Variants in NT5DC1 observed in about 807,000 individuals in gnomAD.
NT5DC1 encodes the protein 5'-nucleotidase domain-containing protein 1.
A neutral mutation model predicts 59.4 loss-of-function variants in NT5DC1; 42 were observed. That is an observed-to-expected ratio of 0.71 (90% CI 0.55 to 0.92). The LOEUF (loss-of-function observed/expected upper bound fraction) is 0.92, where lower values mean the gene tolerates loss of function less well. Among genes scored for constraint, NT5DC1 ranks in the 40% least tolerant of loss-of-function variants. NT5DC1 has a pLI of 0.00. For missense variants in NT5DC1, 501 were observed against 537.1 expected, an observed-to-expected ratio of 0.93 and a Z score of 0.66; for synonymous variants, 172 against 188.1, an observed-to-expected ratio of 0.91 and a Z score of 0.70.
chr6:116,115,433 A>T lies in NT5DC1; in HGVS notation c.365-258A>T, dbSNP rs111630689. The stretch of plus-strand genomic sequence containing the variant: ...TGCATATACTCTTTTTAGTTTTTAC[A>T]TTCTTTAAGATGACTAAAATATCTT... On this transcript the variant is annotated intron_variant, in intron 4 of 11. Coordinates refer to ENST00000319550, the MANE Select transcript of NT5DC1 (RefSeq NM_152729.3). 2.8e-3 allele frequency among the ~76,000 whole-genome samples: 425 copies of T among 152,274 alleles called. 1 individual carries two copies. The highest frequency in any genetic ancestry group is 9.4e-3 in the African/African-American group (389 of 41,544).
In NT5DC1 at chr6:116,246,240, C is replaced by T. The variant is rs1260182845; in HGVS notation, c.*2216C>T. ...ACACCTAAAAATAGATGTAAGCGAG[C>T]GGAGGTTTTCTTTGCTGGCCACTGT... On this transcript the variant is annotated 3_prime_UTR_variant, in exon 12 of 12. Coordinates refer to ENST00000319550, the MANE Select transcript of NT5DC1 (RefSeq NM_152729.3). The T allele has an allele frequency of 6.6e-6, 1 of 151,968 alleles. No homozygotes were observed. The highest frequency in any genetic ancestry group is 1.5e-5 in the Non-Finnish European group (1 of 67,952). The allele number at this position is 151,968 out of a possible 1,614,324, so 9.4% of individuals were successfully genotyped here.
In NT5DC1 at chr6:116,247,484, A is replaced by G. The variant is rs1269457097; in HGVS notation, c.*3460A>G. 6.6e-6 allele frequency: 1 copy of G among 152,128 alleles called. No individual in the cohort carries two copies. Among genetic ancestry groups the G allele is most frequent in the Non-Finnish European group, 1.5e-5 (1 of 67,990 alleles). The allele number at this position is 152,128 out of a possible 1,614,324, so 9.4% of individuals were successfully genotyped here. Reference sequence around the variant, plus strand: ...TCCCTCACTGGTGCTGAAGTAACCAAAATGGGGAAGGAGTGATGAAAACTC... The same window carrying G: ...TCCCTCACTGGTGCTGAAGTAACCAGAATGGGGAAGGAGTGATGAAAACTC... On this transcript the variant is annotated 3_prime_UTR_variant, in exon 12 of 12. Transcript: ENST00000319550.
chr6:116,129,421 C>CT (rs1366764108), intron 6 of NT5DC1, among the ~76,000 whole-genome samples: 8 of 152,160 alleles, frequency 5.3e-5, no homozygotes, highest in African/African-American at 1.9e-4. Context: ...CAAGTGGGAT[C>CT]TTTAAGAGGT....
At chr6:116,135,690 C>T (rs1314164733) in intron 6 of NT5DC1, among the ~76,000 whole-genome samples, 1 of 150,918 alleles carries the variant, frequency 6.6e-6, no homozygotes, top group African/African-American at 2.4e-5. Flanking sequence ...ATGCTGCTGG[C>T]AGTACTCTAA....
At chr6:116,178,549 T>C (rs1294357784) in intron 6 of NT5DC1, among the ~76,000 whole-genome samples, 1 of 152,200 alleles carries the variant, frequency 6.6e-6, no homozygotes, top group African/African-American at 2.4e-5. Context: ...AAAGAAGTCA[T>C]AACTAGTGTC....
intron 6 of NT5DC1, among the ~76,000 whole-genome samples, chr6:116,163,240 T>G (rs189781938): frequency 1.2e-3 from 187 of 149,958 alleles, no homozygotes; most frequent in African/African-American, 3.7e-3. Flanking sequence ...TGGGTTTTTT[T>G]TTGTTGTTGT....
intron 6 of NT5DC1, among the ~76,000 whole-genome samples, chr6:116,136,354 T>A (rs1779601293): frequency 6.6e-6 from 1 of 152,180 alleles, no homozygotes; most frequent in African/African-American, 2.4e-5. Flanking sequence ...ACAAGGGGGC[T>A]GACACCTGTC....
intron 6 of NT5DC1, chr6:116,125,432 A>G (rs755737324): frequency 1.2e-6 from 2 of 1,613,902 alleles, no homozygotes; most frequent in Non-Finnish European, 1.7e-6. Context: ...CGTTCAGCGT[A>G]AAACACTCCA....
At chr6:116,101,047 G>T in intron 1 of NT5DC1, 24 bp downstream of exon 1, 3 of 1,519,282 alleles carry the variant, frequency 2.0e-6, no homozygotes, top group Non-Finnish European at 2.7e-6. Flanking sequence ...GCTCCGGGGC[G>T]CACTGCGCGC....
In NT5DC1 at chr6:116,108,420, A is replaced by G. The variant is rs184164709; in HGVS notation, c.242A>G (p.Asn81Ser). Residue 81 changes from asparagine (N) to serine (S), a missense_variant, in exon 3 of 12, where the codon AAT (asparagine) becomes AGT (serine). Asn to Ser is a conservative substitution (Grantham distance 46). Transcript: ENST00000319550. ...EDGNFLKLAN[N>S]GTVLRASHGT... ...GGGAACTTCCTTAAACTTGCAAATA[A>G]TGGCACTGTTCTCAGGTAATAAAAC... 2 of 1,602,910 alleles carry G rather than the reference A, an allele frequency of 1.2e-6. No individual in the cohort carries two copies. The highest frequency in any genetic ancestry group is 2.7e-5 in the African/African-American group (2 of 74,836).
chr6:116,178,439 A>G (rs1423695274), intron 6 of NT5DC1, among the ~76,000 whole-genome samples: 1 of 152,190 alleles, frequency 6.6e-6, no homozygotes, highest in Non-Finnish European at 1.5e-5. Flanking sequence ...ATGGTCAGGT[A>G]TAAGAATTCT....
At chr6:116,186,255 T>C (rs1780995337) in intron 6 of NT5DC1, among the ~76,000 whole-genome samples, 1 of 152,018 alleles carries the variant, frequency 6.6e-6, no homozygotes, top group Admixed American at 6.6e-5. Context: ...ATCTGATAGG[T>C]TTTCCTTTAA....
intron 6 of NT5DC1, among the ~76,000 whole-genome samples, chr6:116,220,081 T>G (rs1490911475): frequency 6.8e-6 from 1 of 148,128 alleles, no homozygotes; most frequent in Non-Finnish European, 1.5e-5. Context: ...ATCCCATATC[T>G]AGCTATTGCA....
intron 6 of NT5DC1, among the ~76,000 whole-genome samples, chr6:116,192,350 C>A (rs9488869): frequency 0.026 from 3,913 of 151,976 alleles, 156 homozygotes; most frequent in African/African-American, 0.089. Context: ...GGCATTATTT[C>A]CGTTTTGGGT....
At chr6:116,103,905 T>G (rs1484258079) in intron 1 of NT5DC1, among the ~76,000 whole-genome samples, 1 of 152,138 alleles carries the variant, frequency 6.6e-6, no homozygotes, top group African/African-American at 2.4e-5. Flanking sequence ...AAAAAAATTA[T>G]TTGTTTTTTA....
intron 8 of NT5DC1, among the ~76,000 whole-genome samples, chr6:116,231,821 C>T (rs968855587): frequency 6.6e-5 from 10 of 152,168 alleles, no homozygotes; most frequent in Admixed American, 2.0e-4. Flanking sequence ...AGGTAGATTA[C>T]ACTGTGCTAG....
intron 6 of NT5DC1, among the ~76,000 whole-genome samples, chr6:116,136,711 G>A (rs1779614517): frequency 6.6e-6 from 1 of 152,094 alleles, no homozygotes; most frequent in Admixed American, 6.6e-5. Flanking sequence ...TCCATATGCT[G>A]TTATCATGAG....
At chr6:116,174,861 C>G (rs956282578) in intron 6 of NT5DC1, among the ~76,000 whole-genome samples, 1 of 152,132 alleles carries the variant, frequency 6.6e-6, no homozygotes, top group African/African-American at 2.4e-5. Context: ...TCCCTACAAA[C>G]ACTACATAAG....
chr6:116,235,637 T>A (rs1216316188), intron 8 of NT5DC1, among the ~76,000 whole-genome samples: 1 of 152,240 alleles, frequency 6.6e-6, no homozygotes, highest in East Asian at 1.9e-4. Context: ...TATATTTCAT[T>A]TCAGTTATAA....
Sources: allele counts gnomAD v4.1 joint callset (sites outside exome capture counted in the v4.1 genomes callset), GRCh38; gene constraint gnomAD v4.1.1; transcripts MANE v1.5; gene names NCBI Gene and HGNC (gene_info 2026-07-23, HGNC 2026-07-21).